ANOS1: variants seen among roughly 807,000 people sequenced by gnomAD.
ANOS1 encodes anosmin 1, also known as anosmin-1.
A neutral mutation model predicts 59.0 loss-of-function variants in ANOS1; 6 were observed. The observed-to-expected ratio is 0.10, with a 90% CI of 0.06 to 0.20. The LOEUF (loss-of-function observed/expected upper bound fraction) is 0.20. Ranked by LOEUF, ANOS1 falls within the 10% of genes least tolerant of loss-of-function variation. ANOS1 has a pLI of 1.00. For missense variants in ANOS1, 433 were observed against 542.3 expected (o/e 0.80, Z 2.00); for synonymous variants, 217 against 223.4 (o/e 0.97, Z 0.25).
At chrX:8,584,760 G>A (rs1001101232) in intron 6 of ANOS1, among the ~76,000 whole-genome samples, 1 of 112,141 alleles carries the variant, frequency 8.9e-6, no homozygotes, top group Non-Finnish European at 1.9e-5. Flanking sequence ...ATTACACAGA[G>A]GTTTTAAAAT....
intron 2 of ANOS1, among the ~76,000 whole-genome samples, chrX:8,624,011 CTT>C (rs566769185): frequency 1.3e-4 from 9 of 69,394 alleles, no homozygotes; most frequent in African/African-American, 2.1e-4. Flanking sequence ...CTTTTCTTTT[CTT>C]TTTTTTTTTT....
Position 8,638,391 on chromosome X carries a change from G to A in ANOS1, c.256-14721C>T, listed in dbSNP as rs111534350. Among the ~76,000 whole-genome samples, 180 of 111,967 alleles carry A rather than the reference G, an allele frequency of 1.6e-3. 1 individual carries two copies. Among genetic ancestry groups the A allele is most frequent in the African/African-American group, 5.2e-3 (161 of 30,834 alleles). ...TAACCTCCCTCTCTACCTTCTCTGCGTATGTATTTATTGATTCACATCTAT... is the reference window on the plus strand; with the variant it reads ...TAACCTCCCTCTCTACCTTCTCTGCATATGTATTTATTGATTCACATCTAT... On this transcript the variant is annotated intron_variant, in intron 2 of 13. Transcript: ENST00000262648.
chrX:8,685,099 G>A (rs754855373), intron 2 of ANOS1, among the ~76,000 whole-genome samples: 12 of 111,294 alleles, frequency 1.1e-4, no homozygotes, highest in Middle Eastern at 4.6e-3. Flanking sequence ...CACAGAATTA[G>A]TCACTTGCAA....
chrX:8,541,293 C>T (rs997668278), intron 9 of ANOS1, among the ~76,000 whole-genome samples: 1 of 103,141 alleles, frequency 9.7e-6, no homozygotes, highest in African/African-American at 3.5e-5. Context: ...ATCCCAGCTA[C>T]TCGGGAGGCT....
At chrX:8,607,026 G>A (rs950461058) in intron 3 of ANOS1, among the ~76,000 whole-genome samples, 2 of 111,938 alleles carry the variant, frequency 1.8e-5, no homozygotes, top group African/African-American at 6.5e-5. Flanking sequence ...AACTGAGGCA[G>A]GAGAATCTTC....
chrX:8,662,270 A>C (rs1163740130), intron 2 of ANOS1, among the ~76,000 whole-genome samples: 1 of 111,866 alleles, frequency 8.9e-6, no homozygotes, highest in Admixed American at 9.5e-5. Context: ...GCAGGGCCCC[A>C]CATTTAGAAG....
At position 8,649,772 on chromosome X, in the gene ANOS1, T is replaced by A. The variant is rs751307694; in HGVS notation, c.256-26102A>T. On this transcript the variant is annotated intron_variant, in intron 2 of 13. Transcript: ENST00000262648. The stretch of plus-strand genomic sequence containing the variant: ...GGTGCTCCAACAAGTCCCATCCACT[T>A]CTCAGCTACATCTTCTGGGTGCAAC... Among the ~76,000 whole-genome samples, 113 of 111,638 alleles carry A rather than the reference T, an allele frequency of 1.0e-3. 1 individual carries two copies. Among genetic ancestry groups the A allele is most frequent in the Non-Finnish European group, 1.9e-3 (100 of 53,135 alleles).
At chrX:8,664,134 T>C (rs1932088529) in intron 2 of ANOS1, among the ~76,000 whole-genome samples, 1 of 111,921 alleles carries the variant, frequency 8.9e-6, no homozygotes, top group South Asian at 3.8e-4. Context: ...TGGCACATGT[T>C]TACCTACGTA....
intron 2 of ANOS1, among the ~76,000 whole-genome samples, chrX:8,625,287 A>G (rs781444931): frequency 8.9e-6 from 1 of 111,946 alleles, no homozygotes; most frequent in South Asian, 3.8e-4. Context: ...AAACATTAAT[A>G]GTCATATAGT....
intron 9 of ANOS1, among the ~76,000 whole-genome samples, chrX:8,547,027 G>A (rs1056354722): frequency 2.7e-5 from 3 of 111,461 alleles, no homozygotes; most frequent in East Asian, 2.8e-4. Context: ...TACATAACTC[G>A]CCAACCTTCC....
At chrX:8,716,866 G>C (rs1488255262) in intron 1 of ANOS1, among the ~76,000 whole-genome samples, 1 of 111,928 alleles carries the variant, frequency 8.9e-6, no homozygotes, top group Non-Finnish European at 1.9e-5. Context: ...TACAGATAGA[G>C]ACAGACACAG....
intron 8 of ANOS1, among the ~76,000 whole-genome samples, chrX:8,563,432 T>C (rs1377964179): frequency 1.8e-5 from 2 of 112,547 alleles, no homozygotes; most frequent in Non-Finnish European, 3.7e-5. Flanking sequence ...GCCATAATTC[T>C]AGTGTCTCCC....
intron 6 of ANOS1, among the ~76,000 whole-genome samples, chrX:8,573,478 C>T (rs1930268317): frequency 9.1e-6 from 1 of 109,659 alleles, no homozygotes; most frequent in South Asian, 4.0e-4. Context: ...ATTCAGGGGC[C>T]TCTCTCTTCT....
intron 3 of ANOS1, among the ~76,000 whole-genome samples, chrX:8,616,895 T>C (rs1569064521): frequency 8.9e-6 from 1 of 112,290 alleles, no homozygotes; most frequent in East Asian, 2.8e-4. Context: ...AATTGACAAC[T>C]TCCTTAAAAG....
At chrX:8,541,167 G>A (rs142345979) in intron 9 of ANOS1, among the ~76,000 whole-genome samples, 16,478 of 103,698 alleles carry the variant, frequency 0.16, 1,086 homozygotes, top group Middle Eastern at 0.22. Context: ...CACTTTGGGA[G>A]GCCGAGGCAG....
At chrX:8,559,366 T>G (rs1929996883) in intron 8 of ANOS1, among the ~76,000 whole-genome samples, 1 of 111,306 alleles carries the variant, frequency 9.0e-6, no homozygotes, top group Non-Finnish European at 1.9e-5. Flanking sequence ...CCATTAAAAG[T>G]GTATTCAACA....
chrX:8,569,671 T>C (rs975496399), intron 7 of ANOS1, among the ~76,000 whole-genome samples: 1 of 111,892 alleles, frequency 8.9e-6, no homozygotes, highest in Non-Finnish European at 1.9e-5. Context: ...TAAAATAGTA[T>C]AATGGCTAAA....
chrX:8,580,919 A>T (rs1322654230), intron 6 of ANOS1, among the ~76,000 whole-genome samples: 1 of 112,042 alleles, frequency 8.9e-6, no homozygotes, highest in Non-Finnish European at 1.9e-5. Context: ...ACTACCTTGG[A>T]AGTGGTGACT....
intron 2 of ANOS1, among the ~76,000 whole-genome samples, chrX:8,655,578 G>C (rs1200996705): frequency 9.0e-6 from 1 of 111,268 alleles, no homozygotes; most frequent in Non-Finnish European, 1.9e-5. Context: ...CTGAGTGGTT[G>C]CAACAGAGAC....
Sources: allele counts gnomAD v4.1 joint callset (sites outside exome capture counted in the v4.1 genomes callset), GRCh38; gene constraint gnomAD v4.1.1; transcripts MANE v1.5; gene names NCBI Gene and HGNC (gene_info 2026-07-23, HGNC 2026-07-21).